The following KCNH8 variants were observed in gnomAD, a reference collection of about 807,000 sequenced individuals.
The protein encoded by KCNH8 is potassium voltage-gated channel subfamily H member 8.
A neutral mutation model predicts 103.6 loss-of-function variants in KCNH8; 70 were observed. That is an observed-to-expected ratio of 0.68 (90% confidence interval 0.56 to 0.82). The LOEUF (loss-of-function observed/expected upper bound fraction) is 0.82, where lower values mean the gene tolerates loss of function less well. KCNH8 is among the 40% of genes least tolerant of loss of function. The pLI is 0.00. For missense variants in KCNH8, 1,217 were observed against 1,329.9 expected, an observed-to-expected ratio of 0.92 and a Z score of 1.32; for synonymous variants, 498 against 489.4, an observed-to-expected ratio of 1.02 and a Z score of -0.23.
At chr3:19,338,037 A>G (rs1218883618) in intron 3 of KCNH8, among the ~76,000 whole-genome samples, 4 of 151,912 alleles carry the variant, frequency 2.6e-5, no homozygotes, top group Non-Finnish European at 5.9e-5. Flanking sequence ...TTCTTATTCA[A>G]GTCGCTACAA....
chr3:19,338,675 T>G (rs1330490830), intron 3 of KCNH8, among the ~76,000 whole-genome samples: 1 of 152,112 alleles, frequency 6.6e-6, no homozygotes, highest in Non-Finnish European at 1.5e-5. Context: ...ACATACAGTT[T>G]TACAGCAGTT....
intron 1 of KCNH8, among the ~76,000 whole-genome samples, chr3:19,186,247 A>G (rs77301498): frequency 3.4e-4 from 51 of 151,286 alleles, no homozygotes; most frequent in Non-Finnish European, 6.5e-4. Flanking sequence ...GTATTCTCCC[A>G]TAGCTTTATT....
intron 7 of KCNH8, among the ~76,000 whole-genome samples, chr3:19,405,841 A>T (rs2066683317): frequency 6.6e-6 from 1 of 151,998 alleles, no homozygotes; most frequent in South Asian, 2.1e-4. Flanking sequence ...CTGAGTTTCA[A>T]TCCTTCTTGC....
intron 5 of KCNH8, among the ~76,000 whole-genome samples, chr3:19,359,986 G>A (rs946855176): frequency 1.3e-5 from 2 of 151,940 alleles, no homozygotes; most frequent in African/African-American, 4.8e-5. Flanking sequence ...ATGCCAAATA[G>A]AGAATAAACA....
intron 5 of KCNH8, among the ~76,000 whole-genome samples, chr3:19,384,184 G>A (rs1255373324): frequency 6.6e-6 from 1 of 152,178 alleles, no homozygotes; most frequent in Non-Finnish European, 1.5e-5. Context: ...CTGGTAGTGT[G>A]CACTGTCTCC....
intron 11 of KCNH8, among the ~76,000 whole-genome samples, chr3:19,468,578 A>T (rs2067791035): frequency 6.6e-6 from 1 of 152,224 alleles, no homozygotes; most frequent in South Asian, 2.1e-4. Flanking sequence ...TAAGCTGAAT[A>T]ATAGGGGAAA....
At chr3:19,532,713 C>G (rs1174331507) in intron 15 of KCNH8, among the ~76,000 whole-genome samples, 2 of 152,202 alleles carry the variant, frequency 1.3e-5, no homozygotes, top group Non-Finnish European at 2.9e-5. Flanking sequence ...ATCATCAGTA[C>G]TTTAGAGATG....
At chr3:19,436,730 A>C (rs2067205041) in intron 7 of KCNH8, among the ~76,000 whole-genome samples, 1 of 152,172 alleles carries the variant, frequency 6.6e-6, no homozygotes. Context: ...ACACCATCTC[A>C]CACATGTGTA....
intron 1 of KCNH8, among the ~76,000 whole-genome samples, chr3:19,236,617 C>T (rs1304905952): frequency 6.6e-6 from 1 of 152,146 alleles, no homozygotes; most frequent in Non-Finnish European, 1.5e-5. Context: ...GCCCTTTCCT[C>T]AGAATCTGGT....
intron 1 of KCNH8, among the ~76,000 whole-genome samples, chr3:19,224,559 CTTTT>C (rs34526650): frequency 7.7e-6 from 1 of 129,482 alleles, no homozygotes; most frequent in Non-Finnish European, 1.6e-5. Flanking sequence ...TTGTTTTGAA[CTTTT>C]TTTTTTTTTT....
intron 11 of KCNH8, among the ~76,000 whole-genome samples, chr3:19,467,180 A>G (rs1170638931): frequency 2.6e-5 from 4 of 152,142 alleles, no homozygotes; most frequent in Admixed American, 2.0e-4. Flanking sequence ...CAGGGGATTC[A>G]TTGACCCTTT....
intron 1 of KCNH8, among the ~76,000 whole-genome samples, chr3:19,203,360 A>C (rs1021921128): frequency 6.6e-6 from 1 of 152,108 alleles, no homozygotes; most frequent in African/African-American, 2.4e-5. Flanking sequence ...AATATTTGTC[A>C]AAGGAAATAT....
At chr3:19,496,080 G>C (rs990116921) in intron 11 of KCNH8, among the ~76,000 whole-genome samples, 2 of 152,144 alleles carry the variant, frequency 1.3e-5, no homozygotes, top group Admixed American at 1.3e-4. Context: ...TTGTTTATCA[G>C]ATCACAGAGC....
At chr3:19,489,736 CAAAG>C (rs1324112293) in intron 11 of KCNH8, among the ~76,000 whole-genome samples, 1 of 152,092 alleles carries the variant, frequency 6.6e-6, no homozygotes, top group Non-Finnish European at 1.5e-5. Flanking sequence ...CACCACAAAA[CAAAG>C]AACAGGTAAA....
chr3:19,475,457 T>C (rs2067953793), intron 11 of KCNH8, among the ~76,000 whole-genome samples: 1 of 152,186 alleles, frequency 6.6e-6, no homozygotes, highest in African/African-American at 2.4e-5. Context: ...GTGATAACTC[T>C]AAATGCTTGT....
At chr3:19,512,500 A>G (rs928110844) in intron 12 of KCNH8, among the ~76,000 whole-genome samples, 1 of 152,192 alleles carries the variant, frequency 6.6e-6, no homozygotes, top group Admixed American at 6.5e-5. Flanking sequence ...TTTATTCTCA[A>G]GAATAATGCA....
intron 1 of KCNH8, among the ~76,000 whole-genome samples, chr3:19,245,342 G>A (rs1200519599): frequency 6.6e-6 from 1 of 152,114 alleles, no homozygotes; most frequent in Non-Finnish European, 1.5e-5. Context: ...CCAGTACCAC[G>A]CTGTTTTGGT....
intron 1 of KCNH8, among the ~76,000 whole-genome samples, chr3:19,196,433 T>G (rs997602490): frequency 6.6e-6 from 1 of 151,732 alleles, no homozygotes; most frequent in African/African-American, 2.4e-5. Context: ...ATGAGATAGG[T>G]ACTTTTACTC....
chr3:19,459,802 C>T (rs2067592706), intron 11 of KCNH8, among the ~76,000 whole-genome samples: 1 of 151,962 alleles, frequency 6.6e-6, no homozygotes, highest in South Asian at 2.1e-4. Context: ...TAATTTTATT[C>T]TTCTGCATGT....
Sources: gnomAD v4.1 joint callset for allele counts (sites outside exome capture counted in the v4.1 genomes callset) on GRCh38, gnomAD v4.1.1 for gene constraint, MANE v1.5 for transcripts, NCBI Gene and HGNC (gene_info 2026-07-23, HGNC 2026-07-21) for gene names.